Variants in LETM1 observed in about 807,000 individuals in gnomAD.
LETM1 encodes mitochondrial proton/calcium exchanger protein.
A neutral mutation model predicts 74.5 loss-of-function variants in LETM1; 50 were observed. The observed-to-expected ratio is 0.67, with a 90% CI of 0.53 to 0.85. LETM1 has a LOEUF of 0.85. LETM1 is among the 40% of genes least tolerant of loss of function. The pLI is 0.00. For missense variants in LETM1, 824 were observed against 967.8 expected (o/e 0.85, Z 1.97); for synonymous variants, 446 against 407.1 (o/e 1.10, Z -1.15).
chr4:1,811,568 C>G lies in LETM1; in HGVS notation c.*2856G>C, dbSNP rs763941734. 2.0e-5 allele frequency: 3 copies of G among 152,408 alleles called. No individual in the cohort carries two copies. The highest frequency in any genetic ancestry group is 2.9e-5 in the Non-Finnish European group (2 of 68,056). 9.4% of individuals were successfully genotyped at this position (152,408 alleles called of 1,614,324 possible). Reference sequence around the variant, plus strand: ...CCCAGGACGGGCTGTCCGGTGGAGTCAGCCGTAGGACCCCTGAAGGATTTA... The same window carrying G: ...CCCAGGACGGGCTGTCCGGTGGAGTGAGCCGTAGGACCCCTGAAGGATTTA... On this transcript the variant is annotated 3_prime_UTR_variant, in exon 14 of 14. Transcript: ENST00000302787.
intron 10 of LETM1, among the ~76,000 whole-genome samples, chr4:1,819,884 T>C (rs188350066): frequency 2.0e-4 from 31 of 152,306 alleles, no homozygotes; most frequent in African/African-American, 7.2e-4. Context: ...AAGCACTCTT[T>C]TTGTCTGACT....
At chr4:1,855,490 C>T (rs1713208888) in intron 1 of LETM1, among the ~76,000 whole-genome samples, 1 of 152,258 alleles carries the variant, frequency 6.6e-6, no homozygotes, top group African/African-American at 2.4e-5. Flanking sequence ...CCTGCCCACC[C>T]AGTCTCGTCT....
In LETM1 at chr4:1,832,963, C is replaced by G; in HGVS notation, c.877-16G>C. ...TTTCCCGGATCTGCGGAAGTGGTCACAAGGGTCATCCCCGGGACACGCGCC... is the reference window on the plus strand; with the variant it reads ...TTTCCCGGATCTGCGGAAGTGGTCAGAAGGGTCATCCCCGGGACACGCGCC... On this transcript the variant is annotated splice_polypyrimidine_tract_variant and intron_variant, in intron 5 of 13. Transcript: ENST00000302787. The G allele has an allele frequency of 2.5e-6, 4 of 1,611,568 alleles. No individual in the cohort carries two copies. Among genetic ancestry groups the G allele is most frequent in the Non-Finnish European group, 3.4e-6 (4 of 1,179,466 alleles).
At chr4:1,827,867 G>C (rs1353945452) in intron 6 of LETM1, among the ~76,000 whole-genome samples, 2 of 147,702 alleles carry the variant, frequency 1.4e-5, no homozygotes, top group South Asian at 2.1e-4. Context: ...AGGGGCGGCC[G>C]GGCAGAGGCG....
intron 12 of LETM1, 38 bp downstream of exon 12, chr4:1,816,689 G>A (rs754936928): frequency 6.3e-7 from 1 of 1,594,302 alleles, no homozygotes; most frequent in East Asian, 2.2e-5. Context: ...CCCTATGTGA[G>A]TCTCCGATCC....
intron 1 of LETM1, 96 bp from the exon 2 acceptor site, chr4:1,849,305 C>A: frequency 1.2e-6 from 1 of 864,888 alleles, no homozygotes; most frequent in South Asian, 1.4e-5. Context: ...CGCTCTTGCG[C>A]CCAGGCTAGA....
In LETM1 at chr4:1,823,264, C is replaced by T. The variant is rs1711855463; in HGVS notation, c.1333-133G>A. The T allele has an allele frequency of 3.2e-6, 4 of 1,239,554 alleles. No individual in the cohort carries two copies. The East Asian group carries it at 9.7e-5, about 30-fold the overall frequency. The allele number at this position is 1,239,554 out of a possible 1,614,324, so 76.8% of individuals were successfully genotyped here. A position where few individuals can be genotyped will look rare whatever the true frequency, so the allele number is the denominator to read the frequency against. ...CTTCACACACACAGGACAGAAGGCA[C>T]TGCCGAGGTGCTGCCCGCAATTGCT... is the stretch of plus-strand genomic sequence containing the variant. On this transcript the variant is annotated intron_variant, in intron 8 of 13. Coordinates refer to ENST00000302787, the MANE Select transcript of LETM1 (RefSeq NM_012318.3).
rs1711965972 is a variant in LETM1, at chr4:1,825,738, G to T, written c.1081-55C>A. 6 of 1,552,422 alleles carry T rather than the reference G, an allele frequency of 3.9e-6. No individual in the cohort carries two copies. In the Admixed American group the frequency reaches 1.1e-4, roughly 29 times the overall value. On this transcript the variant is annotated intron_variant, in intron 6 of 13. Transcript: ENST00000302787. ...GGGACAGTTGCTGGTGGGTGACAGT[G>T]TCTGTGTGAACACCCTCCAGAATAA...
intron 7 of LETM1, among the ~76,000 whole-genome samples, chr4:1,824,515 G>A (rs542163061): frequency 6.6e-6 from 1 of 152,298 alleles, no homozygotes; most frequent in African/African-American, 2.4e-5. Context: ...ACTGAACACG[G>A]GGCAAAACAT....
chr4:1,826,358 A>T (rs1711986124), intron 6 of LETM1, among the ~76,000 whole-genome samples: 1 of 152,162 alleles, frequency 6.6e-6, no homozygotes, highest in African/African-American at 2.4e-5. Flanking sequence ...CTAAAACCAA[A>T]CTTGACGTAA....
chr4:1,829,532 T>C (rs894538816), intron 6 of LETM1, among the ~76,000 whole-genome samples: 2 of 152,268 alleles, frequency 1.3e-5, no homozygotes, highest in African/African-American at 4.8e-5. Context: ...ATGCCGTTCT[T>C]GGCCAGGAAC....
chr4:1,848,010 A>T (rs75865389), intron 2 of LETM1, among the ~76,000 whole-genome samples: 4 of 144,182 alleles, frequency 2.8e-5, no homozygotes, highest in Non-Finnish European at 6.1e-5. Flanking sequence ...AAATAAAAAT[A>T]AAAAAAAAAA....
chr4:1,820,091 CAT>C (rs1353265588), intron 10 of LETM1, among the ~76,000 whole-genome samples: 11 of 152,132 alleles, frequency 7.2e-5, no homozygotes, highest in Non-Finnish European at 1.3e-4. Flanking sequence ...CACACACTGA[CAT>C]ATCTGTCCAA....
chr4:1,820,967 T>G (rs1711754046), intron 10 of LETM1, among the ~76,000 whole-genome samples: 1 of 152,098 alleles, frequency 6.6e-6, no homozygotes, highest in South Asian at 2.1e-4. Flanking sequence ...AAGTCTTCAG[T>G]GAGCCAAGGT....
At chr4:1,823,960 T>C (rs1006838345) in intron 7 of LETM1, among the ~76,000 whole-genome samples, 185 bp from the exon 8 acceptor site, 2 of 152,176 alleles carry the variant, frequency 1.3e-5, no homozygotes, top group Admixed American at 1.3e-4. Flanking sequence ...CCAGAGAGGC[T>C]TGGGGGTCAG....
chr4:1,848,420 C>T (rs373507643), intron 2 of LETM1, among the ~76,000 whole-genome samples: 1 of 151,704 alleles, frequency 6.6e-6, no homozygotes, highest in Non-Finnish European at 1.5e-5. Flanking sequence ...TGGTGGCGGG[C>T]GCCTGTAGTT....
chr4:1,841,758 C>A lies in LETM1; in HGVS notation c.183G>T (p.Val61=), dbSNP rs543155583. 1 of 1,613,940 alleles carries A rather than the reference C, an allele frequency of 6.2e-7. No individual in the cohort carries two copies. Among genetic ancestry groups the A allele is most frequent in the African/African-American group, 1.3e-5 (1 of 75,054 alleles). ...GGTGATCGCCTCTGGAGGATGTGTA[C>A]ACAGGGTGGATGGGAGTGCAGCAGC... The part of the protein sequence containing the change: ...PFGCCTPIHP[V]YTSSRGDHLG... The change falls in exon 3 of 14, where the codon GTG becomes GTT. Residue 61 remains valine (V), a synonymous_variant. Transcript: ENST00000302787.
chr4:1,835,425 A>G (rs1426543287), intron 4 of LETM1, among the ~76,000 whole-genome samples: 1 of 151,914 alleles, frequency 6.6e-6, no homozygotes, highest in African/African-American at 2.4e-5. Flanking sequence ...TGGGTGACAG[A>G]GCGAAACTCC....
At chr4:1,848,829 C>T (rs1000272076) in intron 2 of LETM1, among the ~76,000 whole-genome samples, 2 of 151,258 alleles carry the variant, frequency 1.3e-5, no homozygotes, top group Non-Finnish European at 2.9e-5. Flanking sequence ...TTTGAGGGCA[C>T]AGTTGCCAGT....
Sources: allele counts gnomAD v4.1 joint callset (sites outside exome capture counted in the v4.1 genomes callset), GRCh38; gene constraint gnomAD v4.1.1; transcripts MANE v1.5; gene names NCBI Gene and HGNC (gene_info 2026-07-23, HGNC 2026-07-21).